OLA1: variants seen among roughly 807,000 people sequenced by gnomAD.
OLA1 encodes obg-like ATPase 1.
OLA1 carries 14 observed loss-of-function variants against 48.4 expected under a neutral mutation model. The ratio of observed to expected loss-of-function variants is 0.29; its 90% confidence interval spans 0.19 to 0.45. The LOEUF (loss-of-function observed/expected upper bound fraction) is 0.45, where lower values mean the gene tolerates loss of function less well. Ranked by LOEUF, OLA1 falls within the 20% of genes least tolerant of loss-of-function variation. The pLI is 1.00. For missense variants in OLA1, 325 were observed against 467.1 expected, an observed-to-expected ratio of 0.70 and a Z score of 2.80; for synonymous variants, 127 against 150.4, an observed-to-expected ratio of 0.84 and a Z score of 1.14.
At position 174,079,019 on chromosome 2, in the gene OLA1, T is replaced by C; in HGVS notation, c.1038A>G (p.Glu346=). The C allele has an allele frequency of 1.2e-6, 2 of 1,603,314 alleles. No homozygotes were observed. Among genetic ancestry groups the C allele is most frequent in the Middle Eastern group, 4.2e-4 (2 of 4,790 alleles). Residue 346 remains glutamate (E), a synonymous_variant, in exon 10 of 11, where the codon GAA becomes GAG. Transcript: ENST00000284719. ...CTTTAAAATCTTCGTATTTCATTACTTCAGCCATAATGAATCCCTTTTCAA... is the reference window on the plus strand; with the variant it reads ...CTTTAAAATCTTCGTATTTCATTACCTCAGCCATAATGAATCCCTTTTCAA... ...TDFEKGFIMA[E]VMKYEDFKEE...
rs938973374 is a variant in OLA1 at position 174,081,179 on chromosome 2, T to C, written c.939A>G (p.Pro313=). 1.2e-6 allele frequency: 2 copies of C among 1,612,268 alleles called. No homozygotes were observed. Among genetic ancestry groups the C allele is most frequent in the East Asian group, 2.2e-5 (1 of 44,864 alleles). ...TGATGGTCCATGCACGCACTTCATC[T>C]GGGCCTGCAGTGAAAAAGTATTCTA... ...LQLEYFFTAG[P]DEVRAWTIRK... The change falls in exon 9 of 11, where the codon CCA becomes CCG. Residue 313 remains proline, a synonymous_variant. Coordinates refer to ENST00000284719, the MANE Select transcript of OLA1 (RefSeq NM_013341.5).
chr2:174,092,192 G>A (rs1307346606), intron 7 of OLA1, among the ~76,000 whole-genome samples: 1 of 151,674 alleles, frequency 6.6e-6, no homozygotes, highest in Non-Finnish European at 1.5e-5. Flanking sequence ...GAGAGGAGGG[G>A]AGGGGTTATT....
At chr2:174,144,910 C>A in intron 4 of OLA1, among the ~76,000 whole-genome samples, 1 of 111,968 alleles carries the variant, frequency 8.9e-6, no homozygotes, top group Non-Finnish European at 1.7e-5. Flanking sequence ...TCACGCTGGG[C>A]GACAGAGTAA....
Position 174,087,510 on chromosome 2 carries a change from A to G in OLA1, c.729-5446T>C, listed in dbSNP as rs1020151335. On this transcript the variant is annotated intron_variant, in intron 7 of 10. Coordinates refer to ENST00000284719, the MANE Select transcript of OLA1 (RefSeq NM_013341.5). ...GTCCATTCTATAATGTTCTAATACA[A>G]TATCTTTCAAACTTTTTTTTGACCA... 1.1e-4 allele frequency among the ~76,000 whole-genome samples: 15 copies of G among 131,572 alleles called. 1 individual carries two copies. Among genetic ancestry groups the G allele is most frequent in the Non-Finnish European group, 1.3e-4 (7 of 55,766 alleles). The allele number at this position is 131,572 out of a possible 152,430, so 86.3% of individuals were successfully genotyped here. A position where few individuals can be genotyped will look rare whatever the true frequency, so the allele number is the denominator to read the frequency against.
chr2:174,124,579 G>T (rs909285721), intron 5 of OLA1, among the ~76,000 whole-genome samples: 2 of 152,092 alleles, frequency 1.3e-5, no homozygotes, highest in Non-Finnish European at 2.9e-5. Flanking sequence ...GTTAATAAAA[G>T]GCTCTGGGGT....
At chr2:174,080,877 G>A (rs1044731875) in intron 9 of OLA1, 10 of 333,760 alleles carry the variant, frequency 3.0e-5, no homozygotes, top group South Asian at 1.7e-4. Context: ...ATACTGGTGC[G>A]TCTTATCTCT....
chr2:174,166,235 T>C (rs1220698235), intron 4 of OLA1, among the ~76,000 whole-genome samples: 1 of 152,140 alleles, frequency 6.6e-6, no homozygotes, highest in Non-Finnish European at 1.5e-5. Context: ...TTCAGAACAT[T>C]TCAATTCACA....
rs186950144 is a variant in OLA1, at chr2:174,080,439, A to G, written c.966+713T>C. ...CACATATATTTCAAAATATTTTTCA[A>G]TAGTAACTACTATGTTACAATATAT... On this transcript the variant is annotated intron_variant, in intron 9 of 10. Coordinates refer to ENST00000284719, the MANE Select transcript of OLA1 (RefSeq NM_013341.5). Among the ~76,000 whole-genome samples, 27 of 152,244 alleles carry G rather than the reference A, an allele frequency of 1.8e-4. No homozygotes were observed. The East Asian group carries it at 4.8e-3, about 27-fold the overall frequency.
intron 10 of OLA1, among the ~76,000 whole-genome samples, chr2:174,075,736 A>C (rs963089431): frequency 6.6e-6 from 1 of 152,204 alleles, no homozygotes; most frequent in African/African-American, 2.4e-5. Flanking sequence ...TTCCATATAT[A>C]CATAATCATA....
intron 7 of OLA1, among the ~76,000 whole-genome samples, chr2:174,093,489 CACCAACCA>C (rs780285784): frequency 6.6e-6 from 1 of 151,302 alleles, no homozygotes; most frequent in African/African-American, 2.4e-5. Context: ...CCAAACAAAC[CACCAACCA>C]ACCAACCAAT....
intron 4 of OLA1, among the ~76,000 whole-genome samples, chr2:174,202,498 G>A (rs1473634259): frequency 6.6e-6 from 1 of 152,124 alleles, no homozygotes. Context: ...TTTTCATTGT[G>A]TTTAATGCTA....
chr2:174,124,979 A>G (rs1373725414), intron 5 of OLA1, among the ~76,000 whole-genome samples: 1 of 152,204 alleles, frequency 6.6e-6, no homozygotes, highest in Non-Finnish European at 1.5e-5. Context: ...GAAATCTAAC[A>G]TGTTCGGCTT....
intron 7 of OLA1, among the ~76,000 whole-genome samples, chr2:174,099,721 AAT>A (rs1685347600): frequency 6.6e-6 from 1 of 152,230 alleles, no homozygotes; most frequent in Non-Finnish European, 1.5e-5. Context: ...TAATTTTATT[AAT>A]GACATATAAT....
intron 4 of OLA1, among the ~76,000 whole-genome samples, chr2:174,144,951 A>AAAATATATATAT (rs1181030817): frequency 7.4e-5 from 3 of 40,296 alleles, no homozygotes; most frequent in East Asian, 1.9e-3. Context: ...AAAAAAAAAA[A>AAAATATATATAT]ATATATATAT....
chr2:174,184,055 A>T (rs1687603196), intron 4 of OLA1, among the ~76,000 whole-genome samples: 1 of 152,230 alleles, frequency 6.6e-6, no homozygotes, highest in Non-Finnish European at 1.5e-5. Flanking sequence ...CTGGCTGCTC[A>T]GCTGTCCATA....
At chr2:174,176,678 A>G (rs964461617) in intron 4 of OLA1, among the ~76,000 whole-genome samples, 8 of 152,012 alleles carry the variant, frequency 5.3e-5, no homozygotes, top group Admixed American at 3.3e-4. Context: ...AAAGCTAAAC[A>G]TTTCACCGTG....
chr2:174,144,820 C>T (rs776841875), intron 4 of OLA1, among the ~76,000 whole-genome samples: 33 of 149,244 alleles, frequency 2.2e-4, no homozygotes, highest in Non-Finnish European at 3.7e-4. Flanking sequence ...TGGTGGTGCA[C>T]GCCTGTGGTC....
intron 7 of OLA1, among the ~76,000 whole-genome samples, chr2:174,086,170 T>C (rs566166670): frequency 6.2e-4 from 95 of 152,296 alleles, no homozygotes; most frequent in East Asian, 3.7e-3. Context: ...CACTAGGTTA[T>C]GGGTAATGCT....
intron 4 of OLA1, among the ~76,000 whole-genome samples, chr2:174,209,066 T>C (rs1339063452): frequency 3.3e-5 from 5 of 152,166 alleles, no homozygotes; most frequent in Admixed American, 3.3e-4. Context: ...ACTGAGACAG[T>C]AGGACTGCTT....
Sources: allele counts gnomAD v4.1 joint callset (sites outside exome capture counted in the v4.1 genomes callset), GRCh38; gene constraint gnomAD v4.1.1; transcripts MANE v1.5; gene names NCBI Gene and HGNC (gene_info 2026-07-23, HGNC 2026-07-21).